Variants in MDGA2 observed in about 807,000 individuals in gnomAD.
MDGA2 encodes the protein MAM domain-containing glycosylphosphatidylinositol anchor protein 2.
In MDGA2, 40 loss-of-function variants were observed where a neutral mutation model predicts 117.8. The observed-to-expected ratio is 0.34, with a 90% CI of 0.26 to 0.44. MDGA2 has a LOEUF of 0.44. Ranked by LOEUF, MDGA2 falls within the 20% of genes least tolerant of loss-of-function variation. The pLI is 1.00. For synonymous variants in MDGA2, 452 were observed against 439.0 expected, an observed-to-expected ratio of 1.03 and a Z score of -0.37; for missense variants, 1,123 against 1,250.6, an observed-to-expected ratio of 0.90 and a Z score of 1.54.
Position 46,957,170 on chromosome 14 carries a change from T to C in MDGA2, c.2089+204A>G, listed in dbSNP as rs1229625648. 3.3e-5 allele frequency among the ~76,000 whole-genome samples: 5 copies of C among 152,198 alleles called. No individual in the cohort carries two copies. In the East Asian group the frequency reaches 7.7e-4, roughly 23 times the overall value. ...CTACTAGAATTCAGATAACCTTCTATGTAATTTTGTAGGCCTGTGCATTCT... is the reference window on the plus strand; with the variant it reads ...CTACTAGAATTCAGATAACCTTCTACGTAATTTTGTAGGCCTGTGCATTCT... On this transcript the variant is annotated intron_variant, in intron 9 of 16. Coordinates refer to ENST00000399232, the MANE Select transcript of MDGA2 (RefSeq NM_001113498.3).
intron 7 of MDGA2, among the ~76,000 whole-genome samples, chr14:47,050,257 C>A (rs559647812): frequency 6.6e-6 from 1 of 151,970 alleles, no homozygotes; most frequent in Admixed American, 6.6e-5. Flanking sequence ...ACAGCTTAAG[C>A]TTCTCATACG....
intron 3 of MDGA2, among the ~76,000 whole-genome samples, chr14:47,189,609 G>T (rs1172289897): frequency 6.6e-6 from 1 of 152,034 alleles, no homozygotes; most frequent in Non-Finnish European, 1.5e-5. Flanking sequence ...TCATTGATTT[G>T]CAGTTTCATG....
At chr14:47,058,842 A>T in intron 7 of MDGA2, 1 of 985,772 alleles carries the variant, frequency 1.0e-6, no homozygotes, top group South Asian at 4.7e-5. Flanking sequence ...TAGGCCATCT[A>T]GCCTCAAGAG....
At chr14:46,895,031 A>C (rs1331141724) in intron 10 of MDGA2, among the ~76,000 whole-genome samples, 2 of 152,184 alleles carry the variant, frequency 1.3e-5, no homozygotes, top group African/African-American at 2.4e-5. Context: ...TTTTCTAAGG[A>C]CTACTACAAA....
At chr14:47,128,318 AAATT>A (rs1183670473) in intron 5 of MDGA2, among the ~76,000 whole-genome samples, 2 of 152,144 alleles carry the variant, frequency 1.3e-5, no homozygotes, top group African/African-American at 2.4e-5. Flanking sequence ...AAGATTTTAA[AAATT>A]AATAAGGCAC....
intron 1 of MDGA2, among the ~76,000 whole-genome samples, chr14:47,592,413 A>G (rs1455381421): frequency 6.6e-6 from 1 of 152,196 alleles, no homozygotes; most frequent in East Asian, 1.9e-4. Context: ...CAGAACCAAA[A>G]CAGAGCCTGT....
intron 3 of MDGA2, among the ~76,000 whole-genome samples, chr14:47,162,852 T>C (rs1158528363): frequency 6.6e-6 from 1 of 152,202 alleles, no homozygotes; most frequent in Non-Finnish European, 1.5e-5. Context: ...ACTGAACTAT[T>C]TAGTTAAGAA....
rs149341878 is a variant in MDGA2, at chr14:47,195,682, CAG to C, written c.595+22337_595+22338del. Among the ~76,000 whole-genome samples, 1,361 of 152,092 alleles carry C rather than the reference CAG, an allele frequency of 8.9e-3. 15 individuals carry two copies. Among genetic ancestry groups the C allele is most frequent in the African/African-American group, 0.032 (1,314 of 41,524 alleles). ...ATAGAAATTTAAAATGCTATTGCAA[CAG>C]AGATTTAAAACTTGCTTAAGTCTGT... On this transcript the variant is annotated intron_variant, in intron 3 of 16. Transcript: ENST00000399232.
intron 1 of MDGA2, among the ~76,000 whole-genome samples, chr14:47,662,973 T>G (rs1566564379): frequency 1.3e-5 from 2 of 152,316 alleles, no homozygotes; most frequent in Middle Eastern, 6.8e-3. Flanking sequence ...AACTCTAAAA[T>G]GCATACAGCA....
chr14:46,907,765 A>G (rs1883553435), intron 10 of MDGA2, among the ~76,000 whole-genome samples: 2 of 152,054 alleles, frequency 1.3e-5, no homozygotes, highest in Admixed American at 1.3e-4. Context: ...CCATTATCTG[A>G]TTGTATTCTA....
chr14:47,150,320 C>A (rs1883112882), intron 3 of MDGA2, among the ~76,000 whole-genome samples: 1 of 152,172 alleles, frequency 6.6e-6, no homozygotes, highest in Non-Finnish European at 1.5e-5. Context: ...TAAATAAGTC[C>A]TAAGCCTTAT....
intron 8 of MDGA2, among the ~76,000 whole-genome samples, chr14:46,965,114 G>T (rs1298737752): frequency 7.4e-6 from 1 of 135,392 alleles, no homozygotes; most frequent in Non-Finnish European, 1.5e-5. Context: ...TAGTAGAGAC[G>T]GGGTTTCACC....
chr14:46,877,431 CATT>C (rs1463819870), intron 12 of MDGA2, 55 bp downstream of exon 12: 5 of 972,002 alleles, frequency 5.1e-6, no homozygotes, highest in East Asian at 5.5e-5. Flanking sequence ...TATTTATAAA[CATT>C]ATATTTTTGT....
At chr14:46,936,975 A>G (rs1233405936) in intron 9 of MDGA2, among the ~76,000 whole-genome samples, 1 of 152,140 alleles carries the variant, frequency 6.6e-6, no homozygotes, top group Admixed American at 6.6e-5. Flanking sequence ...AGTAAAAGGC[A>G]TCCAAATTGG....
intron 1 of MDGA2, among the ~76,000 whole-genome samples, chr14:47,582,358 T>C (rs925065555): frequency 1.3e-5 from 2 of 151,882 alleles, no homozygotes; most frequent in Admixed American, 6.6e-5. Flanking sequence ...CACAATCAAT[T>C]CATGTTTTAA....
chr14:47,378,366 T>C (rs542589892), intron 1 of MDGA2, among the ~76,000 whole-genome samples: 11 of 152,256 alleles, frequency 7.2e-5, no homozygotes, highest in Admixed American at 2.6e-4. Context: ...GAGAATGAAT[T>C]TGATGAGTTG....
At chr14:47,162,149 G>A (rs1033499155) in intron 3 of MDGA2, among the ~76,000 whole-genome samples, 1 of 151,748 alleles carries the variant, frequency 6.6e-6, no homozygotes, top group Admixed American at 6.6e-5. Flanking sequence ...ATTTCACCGT[G>A]TTAGCCAGGC....
chr14:47,642,617 C>T (rs1215248825), intron 1 of MDGA2, among the ~76,000 whole-genome samples: 1 of 151,916 alleles, frequency 6.6e-6, no homozygotes, highest in African/African-American at 2.4e-5. Context: ...TATAGAAGTA[C>T]TAGAGTCCTC....
intron 9 of MDGA2, among the ~76,000 whole-genome samples, chr14:46,938,752 C>T (rs990873947): frequency 2.0e-5 from 3 of 151,800 alleles, no homozygotes; most frequent in Admixed American, 2.0e-4. Context: ...TTCAACAATC[C>T]CTCTACTGAT....
Sources: gnomAD v4.1 joint callset for allele counts (sites outside exome capture counted in the v4.1 genomes callset) on GRCh38, gnomAD v4.1.1 for gene constraint, MANE v1.5 for transcripts, NCBI Gene and HGNC (gene_info 2026-07-23, HGNC 2026-07-21) for gene names.